The following PCMT1 variants were observed in gnomAD, a reference collection of about 807,000 sequenced individuals.
The protein encoded by PCMT1 is protein-L-isoaspartate(D-aspartate) O-methyltransferase.
Under a neutral mutation model 29.2 loss-of-function variants are expected in PCMT1, and 9 were observed. The observed-to-expected ratio is 0.31, with a 90% confidence interval of 0.19 to 0.54. The LOEUF (loss-of-function observed/expected upper bound fraction) is 0.54, where lower values mean the gene tolerates loss of function less well. Ranked by LOEUF, PCMT1 falls within the 20% of genes least tolerant of loss-of-function variation. PCMT1 has a pLI of 0.95. For missense variants in PCMT1, 184 were observed against 282.2 expected (o/e 0.65, Z 2.49); for synonymous variants, 98 against 97.5 (o/e 1.00, Z -0.03).
At chr6:149,800,589 A>G (rs1407456023) in intron 6 of PCMT1, among the ~76,000 whole-genome samples, 1 of 152,190 alleles carries the variant, frequency 6.6e-6, no homozygotes, top group Non-Finnish European at 1.5e-5. Context: ...AACATGATTT[A>G]AAAGTTTTCT....
chr6:149,758,226 T>TTTTTTTTTTTTTTTC (rs1426060535), intron 1 of PCMT1, among the ~76,000 whole-genome samples: 2 of 142,456 alleles, frequency 1.4e-5, no homozygotes, highest in African/African-American at 5.3e-5. Context: ...TTTTTTTTTT[T>TTTTTTTTTTTTTTTC]CTGAGACAGA....
intron 7 of PCMT1, among the ~76,000 whole-genome samples, chr6:149,808,470 T>C (rs11155689): frequency 0.53 from 80,965 of 151,862 alleles, 24,785 homozygotes; most frequent in East Asian, 0.83. Flanking sequence ...CCCTAGCACC[T>C]CTAATTTTAA....
chr6:149,752,182 G>T (rs1786349863), intron 1 of PCMT1, among the ~76,000 whole-genome samples: 1 of 151,470 alleles, frequency 6.6e-6, no homozygotes, highest in South Asian at 2.1e-4. Flanking sequence ...CCTGGCCATG[G>T]TGAATGTTTA....
In PCMT1 at chr6:149,786,369, A is replaced by AC. The variant is rs1407498980; in HGVS notation, c.193-3578dup. 7.9e-4 allele frequency among the ~76,000 whole-genome samples: 43 copies of AC among 54,206 alleles called. 1 individual carries two copies. Among genetic ancestry groups the AC allele is most frequent in the African/African-American group, 3.1e-3 (37 of 12,012 alleles). 35.6% of individuals were successfully genotyped at this position (54,206 alleles called of 152,430 possible). A position where few individuals can be genotyped will look rare whatever the true frequency, so the allele number is the denominator to read the frequency against. On this transcript the variant is annotated intron_variant, in intron 3 of 7. Transcript: ENST00000464889. Reference sequence around the variant, plus strand: ...GGGCGGCTGGCCGGGCGGGGGGCTGACCCCCCCACCTCCCTCCCGGACGGG... The same window carrying AC: ...GGGCGGCTGGCCGGGCGGGGGGCTGACCCCCCCCACCTCCCTCCCGGACGGG...
intron 7 of PCMT1, among the ~76,000 whole-genome samples, chr6:149,805,659 T>C (rs920900574): frequency 1.1e-4 from 17 of 151,516 alleles, no homozygotes; most frequent in Non-Finnish European, 2.2e-4. Context: ...AAATTTAGGC[T>C]GGGCACAGTG....
At chr6:149,754,918 G>A (rs1273969277) in intron 1 of PCMT1, among the ~76,000 whole-genome samples, 7 of 152,192 alleles carry the variant, frequency 4.6e-5, no homozygotes, top group African/African-American at 1.7e-4. Flanking sequence ...GTGCTGGCAT[G>A]TAATGATACT....
At chr6:149,763,660 A>G (rs1172362630) in intron 1 of PCMT1, among the ~76,000 whole-genome samples, 1 of 152,168 alleles carries the variant, frequency 6.6e-6, no homozygotes, top group Non-Finnish European at 1.5e-5. Flanking sequence ...TTTGATTTTT[A>G]GAATGTGCCT....
chr6:149,800,101 CAAG>C, intron 6 of PCMT1, among the ~76,000 whole-genome samples: 1 of 152,180 alleles, frequency 6.6e-6, no homozygotes, highest in African/African-American at 2.4e-5. Context: ...TTGAGAAAAA[CAAG>C]AAGATAGACT....
intron 3 of PCMT1, 90 bp downstream of exon 3, chr6:149,773,259 A>G (rs1238344520): frequency 1.1e-5 from 11 of 1,011,896 alleles, no homozygotes; most frequent in South Asian, 5.5e-5. Flanking sequence ...AGAAAGTTGT[A>G]TCAATTTATC....
intron 1 of PCMT1, among the ~76,000 whole-genome samples, chr6:149,755,494 A>G (rs1786471216): frequency 1.3e-5 from 2 of 151,944 alleles, no homozygotes; most frequent in African/African-American, 4.8e-5. Flanking sequence ...GGTTTCAGGC[A>G]TCTATTAAGG....
chr6:149,775,471 C>T (rs758115365), intron 3 of PCMT1, among the ~76,000 whole-genome samples: 2 of 151,774 alleles, frequency 1.3e-5, no homozygotes, highest in African/African-American at 2.4e-5. Flanking sequence ...TTTGGGAGGC[C>T]GAGGCAGGAA....
At chr6:149,770,705 C>CAAA (rs1302278944) in intron 1 of PCMT1, among the ~76,000 whole-genome samples, 53 of 63,708 alleles carry the variant, frequency 8.3e-4, no homozygotes, top group African/African-American at 3.2e-3. Flanking sequence ...GACTCCATCT[C>CAAA]AAAAAAAAAA....
At chr6:149,778,317 C>T (rs1787661914) in intron 3 of PCMT1, among the ~76,000 whole-genome samples, 2 of 152,004 alleles carry the variant, frequency 1.3e-5, no homozygotes, top group South Asian at 4.1e-4. Context: ...AAACTTTTGC[C>T]TCCCAGGTTC....
chr6:149,762,340 G>A (rs866703964), intron 1 of PCMT1, among the ~76,000 whole-genome samples: 34 of 151,362 alleles, frequency 2.2e-4, no homozygotes, highest in South Asian at 4.2e-4. Context: ...ACCCTAGGGC[G>A]GCAAGCAGAT....
At chr6:149,777,463 G>C (rs1211216612) in intron 3 of PCMT1, among the ~76,000 whole-genome samples, 1 of 95,250 alleles carries the variant, frequency 1.0e-5, no homozygotes, top group African/African-American at 7.9e-5. Flanking sequence ...TTGTGAAACT[G>C]TTAAAAGAAC....
chr6:149,775,280 T>TAA (rs1787514702), intron 3 of PCMT1, among the ~76,000 whole-genome samples: 1 of 152,188 alleles, frequency 6.6e-6, no homozygotes. Flanking sequence ...CAGACATTTA[T>TAA]AAAAATTGAA....
intron 6 of PCMT1, chr6:149,796,778 G>A: frequency 3.5e-6 from 1 of 285,792 alleles, no homozygotes; most frequent in East Asian, 6.1e-5. Context: ...TTTATGACCT[G>A]ATAATCAGGT....
intron 7 of PCMT1, among the ~76,000 whole-genome samples, chr6:149,805,891 A>T (rs1045701901): frequency 6.6e-6 from 1 of 150,972 alleles, no homozygotes; most frequent in Admixed American, 6.6e-5. Context: ...CATTGAGCCT[A>T]CATTGTGCCA....
rs368076691 is a variant in PCMT1, at chr6:149,759,483, TTTTC to T, written c.55+9547_55+9550del. ...TGACTTGAAATCTATCTGCAGCTTA[TTTTC>T]TTTCTTTCTTTCTTTCTTTTTTTTG... On this transcript the variant is annotated intron_variant, in intron 1 of 7. Transcript: ENST00000464889. Among the ~76,000 whole-genome samples, 151 of 152,040 alleles carry T rather than the reference TTTTC, an allele frequency of 9.9e-4. 1 individual carries two copies. Among genetic ancestry groups the T allele is most frequent in the African/African-American group, 3.3e-3 (138 of 41,522 alleles).
Sources: allele counts gnomAD v4.1 joint callset (sites outside exome capture counted in the v4.1 genomes callset), GRCh38; gene constraint gnomAD v4.1.1; transcripts MANE v1.5; gene names NCBI Gene and HGNC (gene_info 2026-07-23, HGNC 2026-07-21).